Variants in FOXP1 observed in about 807,000 individuals in gnomAD.
FOXP1 encodes the protein forkhead box protein P1.
Under a neutral mutation model 98.2 loss-of-function variants are expected in FOXP1, and 15 were observed. That is an observed-to-expected ratio of 0.15 (90% confidence interval 0.10 to 0.24). The LOEUF (loss-of-function observed/expected upper bound fraction) is 0.24, where lower values mean the gene tolerates loss of function less well. FOXP1 is among the 10% of genes least tolerant of loss of function. The pLI is 1.00. For missense variants in FOXP1, 633 were observed against 848.5 expected, an observed-to-expected ratio of 0.75 and a Z score of 3.15; for synonymous variants, 371 against 314.5, an observed-to-expected ratio of 1.18 and a Z score of -1.90.
intron 2 of FOXP1, among the ~76,000 whole-genome samples, chr3:71,536,487 T>C (rs1041098097): frequency 2.6e-5 from 4 of 151,902 alleles, no homozygotes; most frequent in African/African-American, 9.7e-5. Context: ...ATGGAGACTG[T>C]ACTAAAGTCG....
At chr3:71,238,862 T>C (rs2067018858) in intron 5 of FOXP1, among the ~76,000 whole-genome samples, 1 of 152,238 alleles carries the variant, frequency 6.6e-6, no homozygotes, top group Non-Finnish European at 1.5e-5. Flanking sequence ...AATCTCAACA[T>C]CATCATGTAT....
At chr3:71,533,005 G>C (rs2043982320) in intron 2 of FOXP1, among the ~76,000 whole-genome samples, 1 of 152,172 alleles carries the variant, frequency 6.6e-6, no homozygotes, top group South Asian at 2.1e-4. Flanking sequence ...TCTTGCTCCT[G>C]CAATCAGAAA....
intron 3 of FOXP1, among the ~76,000 whole-genome samples, chr3:71,410,767 C>T (rs1326611431): frequency 6.6e-6 from 1 of 152,134 alleles, no homozygotes; most frequent in Non-Finnish European, 1.5e-5. Context: ...GATACCTTAC[C>T]TTTTCAAAGT....
chr3:71,452,870 T>C (rs897653223), intron 3 of FOXP1, among the ~76,000 whole-genome samples: 7 of 152,208 alleles, frequency 4.6e-5, no homozygotes, highest in African/African-American at 1.4e-4. Context: ...TCCAAGGAAT[T>C]TGAAGACCAC....
chr3:71,310,524 C>G (rs1035053737), intron 4 of FOXP1, among the ~76,000 whole-genome samples: 1 of 152,224 alleles, frequency 6.6e-6, no homozygotes, highest in East Asian at 1.9e-4. Flanking sequence ...GGCAAGAGTT[C>G]TCAGTCAGAA....
chr3:71,131,094 T>C (rs1297187604), intron 6 of FOXP1, among the ~76,000 whole-genome samples: 1 of 152,018 alleles, frequency 6.6e-6, no homozygotes, highest in Non-Finnish European at 1.5e-5. Flanking sequence ...TTGCAGACTT[T>C]AGAGGATTTT....
chr3:71,394,817 G>C (rs1033390735), intron 3 of FOXP1, among the ~76,000 whole-genome samples: 7 of 152,060 alleles, frequency 4.6e-5, no homozygotes, highest in Non-Finnish European at 1.0e-4. Flanking sequence ...AATTGAACTG[G>C]AGGCTGGGCG....
At chr3:71,126,661 T>C (rs536510094) in intron 6 of FOXP1, among the ~76,000 whole-genome samples, 2 of 151,498 alleles carry the variant, frequency 1.3e-5, no homozygotes, top group African/African-American at 2.4e-5. Flanking sequence ...CCGTCTCTAC[T>C]AAAAATACAA....
chr3:70,994,032 GAAAAA>G (rs2041013814), intron 13 of FOXP1, among the ~76,000 whole-genome samples: 3 of 143,434 alleles, frequency 2.1e-5, no homozygotes, highest in African/African-American at 2.5e-5. Context: ...AAAAGAAAAA[GAAAAA>G]GAAAAAAAAG....
At chr3:71,319,475 C>T (rs1297131018) in intron 4 of FOXP1, among the ~76,000 whole-genome samples, 1 of 152,108 alleles carries the variant, frequency 6.6e-6, no homozygotes, top group African/African-American at 2.4e-5. Context: ...TTAAATTAAA[C>T]TGAAAAGAAA....
chr3:71,098,010 T>G (rs1034798129), intron 7 of FOXP1, among the ~76,000 whole-genome samples: 3 of 152,232 alleles, frequency 2.0e-5, no homozygotes, highest in African/African-American at 7.2e-5. Context: ...AAACATCTGT[T>G]GGTAGGCTGC....
At chr3:71,387,571 G>C (rs1401197523) in intron 3 of FOXP1, among the ~76,000 whole-genome samples, 1 of 152,168 alleles carries the variant, frequency 6.6e-6, no homozygotes, top group Non-Finnish European at 1.5e-5. Context: ...ACTTAATATT[G>C]TCTGTAATCT....
At chr3:71,336,265 ATTTT>A (rs1477631594) in intron 4 of FOXP1, among the ~76,000 whole-genome samples, 3 of 57,546 alleles carry the variant, frequency 5.2e-5, no homozygotes, top group African/African-American at 1.1e-4. Context: ...TTTTTAGTTT[ATTTT>A]ATTTTTATTT....
intron 5 of FOXP1, among the ~76,000 whole-genome samples, chr3:71,242,764 G>GAAAAAAAAAAAAAAAAAAAAAAAAAAAAA (rs56035810): frequency 7.1e-6 from 1 of 140,310 alleles, no homozygotes. Context: ...GCCCAAAAAG[G>GAAAAAAAAAAAAAAAAAAAAAAAAAAAAA]AAAAAAAAAA....
intron 6 of FOXP1, among the ~76,000 whole-genome samples, chr3:71,138,450 T>TA (rs1287204675): frequency 1.3e-5 from 2 of 151,734 alleles, no homozygotes; most frequent in Non-Finnish European, 2.9e-5. Context: ...AAAAATACAT[T>TA]AAAAAAAATA....
intron 7 of FOXP1, among the ~76,000 whole-genome samples, chr3:71,080,132 A>G (rs1305344389): frequency 6.6e-6 from 1 of 152,252 alleles, no homozygotes; most frequent in Non-Finnish European, 1.5e-5. Context: ...TTTCTGCAGA[A>G]ACAGACGTAG....
intron 6 of FOXP1, among the ~76,000 whole-genome samples, chr3:71,139,872 G>A (rs527415565): frequency 1.3e-5 from 2 of 152,246 alleles, no homozygotes; most frequent in South Asian, 4.1e-4. Context: ...ATACTTCTAG[G>A]CAGCCACAAT....
intron 11 of FOXP1, among the ~76,000 whole-genome samples, chr3:71,032,436 G>A (rs900165342): frequency 6.6e-6 from 1 of 152,184 alleles, no homozygotes; most frequent in African/African-American, 2.4e-5. Context: ...ATTCACACAG[G>A]CAGAAGTGAC....
At chr3:71,053,428 C>T (rs574873595) in intron 8 of FOXP1, among the ~76,000 whole-genome samples, 20 of 152,274 alleles carry the variant, frequency 1.3e-4, no homozygotes, top group African/African-American at 4.8e-4. Context: ...CAGGCCCAAA[C>T]ACTAGTCACC....
Sources: allele counts gnomAD v4.1 joint callset (sites outside exome capture counted in the v4.1 genomes callset), GRCh38; gene constraint gnomAD v4.1.1; transcripts MANE v1.5; gene names NCBI Gene and HGNC (gene_info 2026-07-23, HGNC 2026-07-21).